PPFIBP2: variants seen among roughly 807,000 people sequenced by gnomAD.
The protein encoded by PPFIBP2 is PPFIB scaffold protein 2.
In PPFIBP2, 118 loss-of-function variants were observed where a neutral mutation model predicts 118.3. That is an observed-to-expected ratio of 1.00 (90% CI 0.86 to 1.16). The LOEUF is 1.16. Ranked by LOEUF, PPFIBP2 falls within the 50% of genes most tolerant of loss-of-function variation. PPFIBP2 has a pLI of 0.00. For missense variants in PPFIBP2, 1,195 were observed against 1,073.1 expected, an observed-to-expected ratio of 1.11 and a Z score of -1.59; for synonymous variants, 414 against 397.4, an observed-to-expected ratio of 1.04 and a Z score of -0.50.
At chr11:7,629,110 CT>C (rs956718673) in intron 9 of PPFIBP2, among the ~76,000 whole-genome samples, 2 of 152,244 alleles carry the variant, frequency 1.3e-5, no homozygotes, top group Admixed American at 6.5e-5. Context: ...TTATTTTAGT[CT>C]TTTTTTGTGT....
At chr11:7,515,753 C>T (rs1352347297) in intron 1 of PPFIBP2, among the ~76,000 whole-genome samples, 1 of 152,186 alleles carries the variant, frequency 6.6e-6, no homozygotes, top group Non-Finnish European at 1.5e-5. Context: ...GAAGGCACAG[C>T]AGGGGACTGA....
chr11:7,563,875 G>A (rs61890220), intron 2 of PPFIBP2, among the ~76,000 whole-genome samples: 10,682 of 152,194 alleles, frequency 0.07, 466 homozygotes, highest in South Asian at 0.15. Flanking sequence ...GTGTAAGAAT[G>A]GTGGAACAGG....
rs190198329 is a variant in PPFIBP2 at position 7,601,745 on chromosome 11, A to G, written c.486+4072A>G. On this transcript the variant is annotated intron_variant, in intron 5 of 23. Coordinates refer to ENST00000299492, the MANE Select transcript of PPFIBP2 (RefSeq NM_003621.5). ...GAGGCCGAGGTGGACGGATAACCTGAGGTCAGGAGTTCGAGAACAGCCTGA... is the reference window on the plus strand; with the variant it reads ...GAGGCCGAGGTGGACGGATAACCTGGGGTCAGGAGTTCGAGAACAGCCTGA... 2.3e-3 allele frequency among the ~76,000 whole-genome samples: 351 copies of G among 152,276 alleles called. 5 individuals carry two copies. The East Asian group carries it at 0.058, about 25-fold the overall frequency.
chr11:7,665,349 C>T, the PPFIBP2 span: 1 of 1,480,512 alleles, frequency 6.8e-7, no homozygotes, highest in Non-Finnish European at 9.0e-7. Flanking sequence ...AAGGGACATG[C>T]AAAATTGCTG....
At chr11:7,554,068 A>G (rs72849064) in intron 2 of PPFIBP2, among the ~76,000 whole-genome samples, 7,525 of 152,314 alleles carry the variant, frequency 0.049, 235 homozygotes, top group African/African-American at 0.1. Context: ...CAGAAATGAC[A>G]TTTTTGTGTG....
chr11:7,559,492 TG>T (rs1372727142), intron 2 of PPFIBP2, among the ~76,000 whole-genome samples: 4 of 152,154 alleles, frequency 2.6e-5, no homozygotes, highest in Non-Finnish European at 5.9e-5. Context: ...GCATGTGTGT[TG>T]ATTTCTGGTT....
At chr11:7,645,631 G>C (rs958881613) in intron 17 of PPFIBP2, among the ~76,000 whole-genome samples, 5 of 152,108 alleles carry the variant, frequency 3.3e-5, no homozygotes, top group Admixed American at 1.3e-4. Context: ...GCAGAAGCTG[G>C]GTCTGATTCT....
At chr11:7,558,780 G>C (rs1033066079) in intron 2 of PPFIBP2, among the ~76,000 whole-genome samples, 7 of 151,860 alleles carry the variant, frequency 4.6e-5, no homozygotes, top group Non-Finnish European at 8.8e-5. Context: ...AGAAAAAAAG[G>C]CTTTCAATGA....
At chr11:7,634,370 A>T (rs1348875359) in intron 12 of PPFIBP2, 125 bp from the exon 13 acceptor site, 5 of 706,364 alleles carry the variant, frequency 7.1e-6, no homozygotes, top group African/African-American at 1.8e-5. Context: ...ATGAGAGGGT[A>T]TTTTTTTTTC....
At chr11:7,655,572 G>GGT, downstream of PPFIBP2, 1 of 1,176,486 alleles carries the variant, frequency 8.5e-7, no homozygotes, top group Non-Finnish European at 1.1e-6. Context: ...GGTGTGGTGT[G>GGT]GTATGCACAA....
chr11:7,516,524 C>T (rs1040694402), intron 1 of PPFIBP2, among the ~76,000 whole-genome samples: 5 of 152,020 alleles, frequency 3.3e-5, no homozygotes, highest in African/African-American at 1.2e-4. Flanking sequence ...TTGGTTCGAA[C>T]CCCGAGAGCC....
chr11:7,519,530 A>G (rs1849546424), intron 1 of PPFIBP2, among the ~76,000 whole-genome samples: 1 of 152,194 alleles, frequency 6.6e-6, no homozygotes, highest in Non-Finnish European at 1.5e-5. Flanking sequence ...TGAATTGCAA[A>G]AAAAGAAAAG....
At chr11:7,580,277 C>T (rs1857072586) in intron 3 of PPFIBP2, among the ~76,000 whole-genome samples, 1 of 152,168 alleles carries the variant, frequency 6.6e-6, no homozygotes, top group South Asian at 2.1e-4. Context: ...CTCCTGTAGC[C>T]CAGGTCTGCA....
chr11:7,595,015 A>T (rs1860037449), intron 4 of PPFIBP2, among the ~76,000 whole-genome samples: 1 of 152,170 alleles, frequency 6.6e-6, no homozygotes, highest in Admixed American at 6.5e-5. Context: ...GGAAAAAAGT[A>T]AAGCAGGATG....
chr11:7,663,927 C>G, the PPFIBP2 span, among the ~76,000 whole-genome samples: 8 of 152,192 alleles, frequency 5.3e-5, no homozygotes, highest in Non-Finnish European at 1.2e-4. Flanking sequence ...GCGTCCGTCA[C>G]CCCTTTCTTT....
At chr11:7,599,040 G>A (rs975431835) in intron 5 of PPFIBP2, among the ~76,000 whole-genome samples, 3 of 151,210 alleles carry the variant, frequency 2.0e-5, no homozygotes, top group Admixed American at 6.6e-5. Context: ...TACTTAGGTT[G>A]TGTGCCATTT....
intron 18 of PPFIBP2, 51 bp from the exon 19 acceptor site, chr11:7,648,749 G>T: frequency 6.4e-7 from 1 of 1,562,822 alleles, no homozygotes; most frequent in South Asian, 1.1e-5. Context: ...TTCTCTGAGG[G>T]CCAAATTGCC....
intron 1 of PPFIBP2, among the ~76,000 whole-genome samples, chr11:7,519,598 G>A (rs1849554584): frequency 6.6e-6 from 1 of 152,178 alleles, no homozygotes; most frequent in Non-Finnish European, 1.5e-5. Flanking sequence ...TTATGAGGCA[G>A]CCTAGAGGGC....
At chr11:7,527,397 G>A (rs7126383) in intron 1 of PPFIBP2, among the ~76,000 whole-genome samples, 65,522 of 151,696 alleles carry the variant, frequency 0.43, 14,466 homozygotes, top group African/African-American at 0.49. Context: ...ATTGGATCTG[G>A]GGAAACCTAC....
Sources: gnomAD v4.1 joint callset for allele counts (sites outside exome capture counted in the v4.1 genomes callset) on GRCh38, gnomAD v4.1.1 for gene constraint, MANE v1.5 for transcripts, NCBI Gene and HGNC (gene_info 2026-07-23, HGNC 2026-07-21) for gene names.